Variants in RABGAP1L observed in about 807,000 individuals in gnomAD.
RABGAP1L encodes rab GTPase-activating protein 1-like.
In RABGAP1L, 63 loss-of-function variants were observed where a neutral mutation model predicts 137.7. That is an observed-to-expected ratio of 0.46 (90% CI 0.37 to 0.56). The LOEUF is 0.56. Among genes scored for constraint, RABGAP1L ranks in the 20% least tolerant of loss-of-function variants. RABGAP1L has a pLI of 0.00. For synonymous variants in RABGAP1L, 431 were observed against 433.7 expected, an observed-to-expected ratio of 0.99 and a Z score of 0.08; for missense variants, 1,095 against 1,244.0, an observed-to-expected ratio of 0.88 and a Z score of 1.80.
At chr1:174,276,107 T>A (rs1674975995) in intron 9 of RABGAP1L, among the ~76,000 whole-genome samples, 172 bp downstream of exon 9, 1 of 152,138 alleles carries the variant, frequency 6.6e-6, no homozygotes, top group Non-Finnish European at 1.5e-5. Context: ...CTCCACTATT[T>A]AAAAAAATCC....
At chr1:174,383,843 T>A (rs546510791) in intron 12 of RABGAP1L, among the ~76,000 whole-genome samples, 1 of 152,212 alleles carries the variant, frequency 6.6e-6, no homozygotes, top group South Asian at 2.1e-4. Context: ...ATGTTGCTGG[T>A]GGAAATACAA....
intron 13 of RABGAP1L, among the ~76,000 whole-genome samples, chr1:174,626,723 C>G (rs989041912): frequency 7.2e-5 from 11 of 152,276 alleles, no homozygotes; most frequent in African/African-American, 2.4e-4. Flanking sequence ...ATTATTGTCT[C>G]TAGTTCATGA....
intron 18 of RABGAP1L, among the ~76,000 whole-genome samples, chr1:174,785,418 G>T (rs768506659): frequency 6.6e-6 from 1 of 152,196 alleles, no homozygotes; most frequent in Non-Finnish European, 1.5e-5. Context: ...TTAGCTTATC[G>T]TTCAGCTACT....
chr1:174,924,336 G>A (rs956417347), intron 19 of RABGAP1L, among the ~76,000 whole-genome samples: 2 of 130,446 alleles, frequency 1.5e-5, no homozygotes, highest in East Asian at 4.6e-4. Flanking sequence ...GAAGTGAGCC[G>A]AGATTGCGCC....
Position 174,752,332 on chromosome 1 carries a change from A to G in RABGAP1L, c.2189A>G (p.His730Arg). ...TTTCAGGGTTTGAACATAATCTTTCATGTAGCTTTGGCTCTCCTAAAGGTA... is the reference window on the plus strand; with the variant it reads ...TTTCAGGGTTTGAACATAATCTTTCGTGTAGCTTTGGCTCTCCTAAAGGTA... ...LLCEGLNIIF[H>R]VALALLKTSK... The change falls in exon 18 of 26, where the codon CAT becomes CGT. Residue 730 changes from histidine to arginine, a missense_variant. By Grantham distance (29) the His-to-Arg change is conservative. Around this residue, in one of 4 missense-constraint regions of RABGAP1L, gnomAD observed 312 missense variants for 435.6 expected, o/e 0.72. Coordinates refer to ENST00000681986, the MANE Select transcript of RABGAP1L (RefSeq NM_001366446.1). The G allele has an allele frequency of 6.3e-7, 1 of 1,588,160 alleles. No individual in the cohort carries two copies. The highest frequency in any genetic ancestry group is 8.6e-7 in the Non-Finnish European group (1 of 1,166,124).
chr1:174,860,807 A>G (rs1230354709), intron 19 of RABGAP1L, among the ~76,000 whole-genome samples: 1 of 152,250 alleles, frequency 6.6e-6, no homozygotes, highest in East Asian at 1.9e-4. Flanking sequence ...GATATAAATG[A>G]CAAATAAAAA....
intron 13 of RABGAP1L, among the ~76,000 whole-genome samples, chr1:174,611,897 C>T (rs1269840585): frequency 2.0e-5 from 3 of 152,140 alleles, no homozygotes; most frequent in African/African-American, 7.2e-5. Context: ...GATTTTTGCA[C>T]ATTGATTTTG....
At chr1:174,778,500 TAA>T (rs927375391) in intron 18 of RABGAP1L, among the ~76,000 whole-genome samples, 11 of 152,300 alleles carry the variant, frequency 7.2e-5, no homozygotes, top group African/African-American at 1.9e-4. Flanking sequence ...AAAAATGTAA[TAA>T]GAGTACAATT....
At chr1:174,481,881 T>TAAAAAAAAAATAAAAAAAAAAAAAAAAA (rs1659124769) in intron 13 of RABGAP1L, among the ~76,000 whole-genome samples, 1 of 59,746 alleles carries the variant, frequency 1.7e-5, no homozygotes, top group African/African-American at 4.9e-5. Context: ...TAATAAAAAA[T>TAAAAAAAAAATAAAAAAAAAAAAAAAAA]AAAAAAAAAA....
At chr1:174,404,217 C>G (rs1036771196) in intron 13 of RABGAP1L, among the ~76,000 whole-genome samples, 2 of 152,126 alleles carry the variant, frequency 1.3e-5, no homozygotes, top group African/African-American at 4.8e-5. Flanking sequence ...CGTGACAGCT[C>G]TGCTTGAGTG....
chr1:174,338,737 G>A (rs1263275968), intron 11 of RABGAP1L, among the ~76,000 whole-genome samples: 2 of 151,882 alleles, frequency 1.3e-5, no homozygotes, highest in Non-Finnish European at 2.9e-5. Flanking sequence ...CTTTGGAAAA[G>A]TGTAATATTG....
At chr1:174,371,331 C>T (rs1000784459) in intron 12 of RABGAP1L, among the ~76,000 whole-genome samples, 2 of 151,706 alleles carry the variant, frequency 1.3e-5, no homozygotes, top group Non-Finnish European at 2.9e-5. Flanking sequence ...TCACTCAGAC[C>T]GTATTATTTG....
chr1:174,357,691 C>A (rs777245624), intron 11 of RABGAP1L, among the ~76,000 whole-genome samples: 61 of 152,164 alleles, frequency 4.0e-4, no homozygotes, highest in Admixed American at 6.5e-4. Flanking sequence ...GAGCATAAGG[C>A]TTGAATTGAC....
intron 18 of RABGAP1L, among the ~76,000 whole-genome samples, chr1:174,771,472 C>CA (rs879895715): frequency 8.1e-4 from 115 of 142,362 alleles, no homozygotes; most frequent in Middle Eastern, 3.5e-3. Flanking sequence ...GCCTCTTTTA[C>CA]AAAAAAAAAA....
intron 12 of RABGAP1L, among the ~76,000 whole-genome samples, chr1:174,373,129 T>C (rs12074754): frequency 0.35 from 53,470 of 152,010 alleles, 12,046 homozygotes; most frequent in African/African-American, 0.64. Flanking sequence ...GGTTACTCTC[T>C]TCCTTTAAGA....
intron 19 of RABGAP1L, among the ~76,000 whole-genome samples, chr1:174,887,541 T>C (rs1412940543): frequency 6.6e-6 from 1 of 152,124 alleles, no homozygotes; most frequent in Non-Finnish European, 1.5e-5. Flanking sequence ...CTCTTGCCAA[T>C]GTTTCTAGGG....
At chr1:174,943,657 A>G (rs1376615822) in intron 19 of RABGAP1L, among the ~76,000 whole-genome samples, 2 of 152,010 alleles carry the variant, frequency 1.3e-5, no homozygotes, top group Non-Finnish European at 2.9e-5. Context: ...AACATGGTGA[A>G]ACCTGGTCTC....
At chr1:174,393,900 C>A in intron 12 of RABGAP1L, 95 bp from the exon 13 acceptor site, 1 of 1,394,112 alleles carries the variant, frequency 7.2e-7, no homozygotes, top group Non-Finnish European at 9.7e-7. Flanking sequence ...TTGACCCAAG[C>A]TTACACTTTT....
chr1:174,542,996 G>T (rs1665616242), intron 13 of RABGAP1L, among the ~76,000 whole-genome samples: 1 of 152,158 alleles, frequency 6.6e-6, no homozygotes, highest in Non-Finnish European at 1.5e-5. Flanking sequence ...CATTTGCAGA[G>T]GAGTGCTTTG....
Sources: gnomAD v4.1 joint callset for allele counts (sites outside exome capture counted in the v4.1 genomes callset) on GRCh38, gnomAD v4.1.1 for gene constraint, gnomAD v4.1.1 regional missense constraint, MANE v1.5 for transcripts, NCBI Gene and HGNC (gene_info 2026-07-23, HGNC 2026-07-21) for gene names.